The following SDC3 variants were observed in gnomAD, a reference collection of about 807,000 sequenced individuals.
SDC3 encodes the protein syndecan-3.
SDC3 carries 13 observed loss-of-function variants against 24.4 expected under a neutral mutation model. The observed-to-expected ratio is 0.53, with a 90% CI of 0.35 to 0.85. The LOEUF is 0.85. SDC3 is among the 40% of genes least tolerant of loss of function. The probability of loss-of-function intolerance (pLI) is 0.01; values close to 1 mark genes in which losing one functional copy is unlikely to be tolerated. For synonymous variants in SDC3, 295 were observed against 260.9 expected (o/e 1.13, Z -1.26); for missense variants, 571 against 584.5 (o/e 0.98, Z 0.24).
At chr1:30,904,150 A>T (rs964541734) in intron 1 of SDC3, among the ~76,000 whole-genome samples, 1 of 152,142 alleles carries the variant, frequency 6.6e-6, no homozygotes, top group Non-Finnish European at 1.5e-5. Flanking sequence ...GCTTGTACTC[A>T]GGAGGCAGAG....
At position 30,908,471 on chromosome 1, in the gene SDC3, A is replaced by G; in HGVS notation, c.116T>C (p.Leu39Pro). 1 of 1,026,742 alleles carries G rather than the reference A, an allele frequency of 9.7e-7. No homozygotes were observed. The highest frequency in any genetic ancestry group is 1.2e-6 in the Non-Finnish European group (1 of 854,426). 63.6% of individuals were successfully genotyped at this position (1,026,742 alleles called of 1,614,324 possible). A position where few individuals can be genotyped will look rare whatever the true frequency, so the allele number is the denominator to read the frequency against. ...GLLLPPLLLLLLAGRAAGAQR... is the reference protein window; with the variant it reads ...GLLLPPLLLLPLAGRAAGAQR... ...CACCCCCGCGGCGCGCCCCGCCAGC[A>G]GCAGCAGCAGCAGCGGTGGCAGGAG... Residue 39 changes from leucine (L) to proline (P), a missense_variant, in exon 1 of 5, where the codon CTG (leucine) becomes CCG (proline). By Grantham distance (98) the Leu-to-Pro change is moderately conservative (BLOSUM62 -3). Transcript: ENST00000339394.
chr1:30,900,809 T>A (rs922130239), intron 1 of SDC3, among the ~76,000 whole-genome samples: 1 of 149,636 alleles, frequency 6.7e-6, no homozygotes, highest in African/African-American at 2.5e-5. Flanking sequence ...CAGGCAGGGA[T>A]GGGGGAGGGC....
Position 30,893,888 on chromosome 1 carries a change from A to G in SDC3, c.138+14561T>C, listed in dbSNP as rs183785387. On this transcript the variant is annotated intron_variant, in intron 1 of 4. Coordinates refer to ENST00000339394, the MANE Select transcript of SDC3 (RefSeq NM_014654.4). ...AACATATAACTGCATCTCCGAAGGA[A>G]TCCAAGGTTGGTTTTTTAGTGCAGG... Among the ~76,000 whole-genome samples the G allele has an allele frequency of 1.3e-3, 202 of 152,250 alleles. 2 individuals carry two copies. Among genetic ancestry groups the G allele is most frequent in the Admixed American group, 3.9e-3 (60 of 15,292 alleles).
At chr1:30,887,615 A>G (rs1639849749) in intron 1 of SDC3, among the ~76,000 whole-genome samples, 1 of 152,154 alleles carries the variant, frequency 6.6e-6, no homozygotes, top group Admixed American at 6.5e-5. Flanking sequence ...CCACTGCCTG[A>G]AAATTGGCTG....
intron 1 of SDC3, among the ~76,000 whole-genome samples, chr1:30,883,860 C>T (rs1193404781): frequency 6.6e-6 from 1 of 152,166 alleles, no homozygotes; most frequent in African/African-American, 2.4e-5. Context: ...CTCCTCGAGG[C>T]AGGGAGGGAG....
intron 1 of SDC3, among the ~76,000 whole-genome samples, chr1:30,894,705 GGT>G (rs1193749121): frequency 1.1e-4 from 16 of 143,958 alleles, no homozygotes; most frequent in African/African-American, 4.1e-4. Flanking sequence ...AGAGTGTGTG[GGT>G]GTGTGTGGGG....
rs982253414 is a variant in SDC3, at chr1:30,871,199, C to T, written c.*2012G>A. 1 of 152,302 alleles carries T rather than the reference C, an allele frequency of 6.6e-6. No individual in the cohort carries two copies. The highest frequency in any genetic ancestry group is 1.9e-4 in the East Asian group (1 of 5,198). The allele number at this position is 152,302 out of a possible 1,614,324, so 9.4% of individuals were successfully genotyped here. The stretch of plus-strand genomic sequence containing the variant: ...GCCCCTGGAACCTCCCCCTCACTGC[C>T]TACACACCGCTACCCCTCATCCTGC... On this transcript the variant is annotated 3_prime_UTR_variant, in exon 5 of 5. Coordinates refer to ENST00000339394, the MANE Select transcript of SDC3 (RefSeq NM_014654.4).
chr1:30,879,431 C>T (rs1303276765), intron 1 of SDC3, among the ~76,000 whole-genome samples: 2 of 152,220 alleles, frequency 1.3e-5, no homozygotes, highest in Non-Finnish European at 2.9e-5. Flanking sequence ...GGGTCTTCCT[C>T]CTTTTTTAAA....
In SDC3 at chr1:30,877,109, G is replaced by A; in HGVS notation, c.313C>T (p.Leu105=). The change falls in exon 3 of 5, where the codon CTG becomes TTG. Residue 105 remains leucine (L), a synonymous_variant. Coordinates refer to ENST00000339394, the MANE Select transcript of SDC3 (RefSeq NM_014654.4). ...TAMRFSPDVA[L]AVSTTPAVLP... ...ACCGCAGGTGTGGTGGACACCGCCAGGGCTACATCTGGGCTGAAGCGCATG... is the reference window on the plus strand; with the variant it reads ...ACCGCAGGTGTGGTGGACACCGCCAAGGCTACATCTGGGCTGAAGCGCATG... 2 of 1,614,086 alleles carry A rather than the reference G, an allele frequency of 1.2e-6. No individual in the cohort carries two copies. Among genetic ancestry groups the A allele is most frequent in the South Asian group, 2.2e-5 (2 of 91,072 alleles).
chr1:30,877,770 G>C (rs1448744574), intron 2 of SDC3: 1 of 155,280 alleles, frequency 6.4e-6, no homozygotes, highest in Non-Finnish European at 1.4e-5. Context: ...CCTGGGCTCG[G>C]AACCAGGCAG....
At chr1:30,904,363 G>A (rs1360134514) in intron 1 of SDC3, among the ~76,000 whole-genome samples, 1 of 152,074 alleles carries the variant, frequency 6.6e-6, no homozygotes, top group Non-Finnish European at 1.5e-5. Context: ...CACTTGGGAT[G>A]AGCCCCCCCT....
chr1:30,907,394 C>CA (rs749261362), intron 1 of SDC3, among the ~76,000 whole-genome samples: 6 of 152,196 alleles, frequency 3.9e-5, no homozygotes, highest in Non-Finnish European at 7.3e-5. Flanking sequence ...AGGGTCACCT[C>CA]ATACATACCA....
chr1:30,869,598 GGA>G lies in SDC3; in HGVS notation c.*3611_*3612del, dbSNP rs1639497342. ...CCAGTTCCTTCACAAGGCTGGAACAGGAGAGTACCCGCAGTGGGGCAGGCGCC... is the reference window on the plus strand; with the variant it reads ...CCAGTTCCTTCACAAGGCTGGAACAGGAGTACCCGCAGTGGGGCAGGCGCC... On this transcript the variant is annotated 3_prime_UTR_variant, in exon 5 of 5. Coordinates refer to ENST00000339394, the MANE Select transcript of SDC3 (RefSeq NM_014654.4). 1 of 397,920 alleles carries G rather than the reference GGA, an allele frequency of 2.5e-6. No homozygotes were observed. Among genetic ancestry groups the G allele is most frequent in the Non-Finnish European group, 4.4e-6 (1 of 225,998 alleles). The allele number at this position is 397,920 out of a possible 1,614,324, so 24.6% of individuals were successfully genotyped here.
rs1557509165 is a variant in SDC3 at position 30,869,541 on chromosome 1, A to AC, written c.*3669_*3670insG. 36 of 356,330 alleles carry AC rather than the reference A, an allele frequency of 1.0e-4. No individual in the cohort carries two copies. The highest frequency in any genetic ancestry group is 1.4e-3 in the Middle Eastern group (2 of 1,466). The allele number at this position is 356,330 out of a possible 1,614,324, so 22.1% of individuals were successfully genotyped here. ...GTGTTAAAAAAACAAACAAACAAAAAAAAAAAAAAAAAAAAAAAAACAAAA... is the reference window on the plus strand; with the variant it reads ...GTGTTAAAAAAACAAACAAACAAAAACAAAAAAAAAAAAAAAAAAAACAAAA... On this transcript the variant is annotated 3_prime_UTR_variant, in exon 5 of 5. Coordinates refer to ENST00000339394, the MANE Select transcript of SDC3 (RefSeq NM_014654.4).
chr1:30,875,158 A>C lies in SDC3; in HGVS notation c.871-570T>G, dbSNP rs531064592. 1.1e-4 allele frequency among the ~76,000 whole-genome samples: 16 copies of C among 152,334 alleles called. No homozygotes were observed. The South Asian group carries it at 3.3e-3, about 32-fold the overall frequency. On this transcript the variant is annotated intron_variant, in intron 3 of 4. Coordinates refer to ENST00000339394, the MANE Select transcript of SDC3 (RefSeq NM_014654.4). ...TCTAGGGCTCCCACCACTCGGAGGCAGGATCAGAGCTGGGAATGATGAGAC... is the reference window on the plus strand; with the variant it reads ...TCTAGGGCTCCCACCACTCGGAGGCCGGATCAGAGCTGGGAATGATGAGAC...
rs765564861 is a variant in SDC3 at position 30,877,149 on chromosome 1, C to T, written c.273G>A (p.Ser91=). 9.3e-6 allele frequency: 15 copies of T among 1,613,722 alleles called. No individual in the cohort carries two copies. The highest frequency in any genetic ancestry group is 2.2e-5 in the East Asian group (1 of 44,846). The change falls in exon 3 of 5, where the codon TCG becomes TCA. Residue 91 remains serine (S), a synonymous_variant. Transcript: ENST00000339394. ...GSGSGYFEQE[S]GIETAMRFSP... is the part of the protein sequence containing the mutation. ...TGAAGCGCATGGCTGTCTCAATGCC[C>T]GACTCCTGCTCGAAGTCTGAGGGGG...
At chr1:30,892,357 C>A (rs1335852980) in intron 1 of SDC3, among the ~76,000 whole-genome samples, 1 of 152,162 alleles carries the variant, frequency 6.6e-6, no homozygotes, top group Non-Finnish European at 1.5e-5. Context: ...GACCTAGTCA[C>A]ACCAGCTTGG....
intron 1 of SDC3, among the ~76,000 whole-genome samples, chr1:30,886,953 G>A (rs765923949): frequency 7.2e-5 from 11 of 152,174 alleles, no homozygotes; most frequent in Non-Finnish European, 1.5e-4. Flanking sequence ...TTGAACCCAA[G>A]ATTAGCTGAA....
intron 1 of SDC3, chr1:30,879,022 G>A (rs1639695864): frequency 1.3e-5 from 5 of 382,672 alleles, no homozygotes; most frequent in Middle Eastern, 1.6e-3. Flanking sequence ...TCTGAATATT[G>A]TGAAAACTAA....
Sources: allele counts gnomAD v4.1 joint callset (sites outside exome capture counted in the v4.1 genomes callset), GRCh38; gene constraint gnomAD v4.1.1; transcripts MANE v1.5; gene names NCBI Gene and HGNC (gene_info 2026-07-23, HGNC 2026-07-21).